Variants in CDH8 observed in about 807,000 individuals in gnomAD.
CDH8 encodes cadherin 8.
A neutral mutation model predicts 68.1 loss-of-function variants in CDH8; 17 were observed. The ratio of observed to expected loss-of-function variants is 0.25; its 90% CI spans 0.17 to 0.37. The LOEUF is 0.37. Ranked by LOEUF, CDH8 falls within the 10% of genes least tolerant of loss-of-function variation. CDH8 has a pLI of 1.00. For missense variants in CDH8, 763 were observed against 999.3 expected (o/e 0.76, Z 3.19); for synonymous variants, 372 against 365.1 (o/e 1.02, Z -0.21).
At chr16:61,926,154 T>G (rs12923724) in intron 2 of CDH8, among the ~76,000 whole-genome samples, 17 of 67,758 alleles carry the variant, frequency 2.5e-4, no homozygotes, top group East Asian at 5.9e-4. Flanking sequence ...TCAGAAGGGG[T>G]GTGTGTGTGT....
At chr16:61,966,268 C>T (rs1432767578) in intron 2 of CDH8, among the ~76,000 whole-genome samples, 1 of 151,954 alleles carries the variant, frequency 6.6e-6, no homozygotes, top group Non-Finnish European at 1.5e-5. Flanking sequence ...GGCCGGGCGC[C>T]GTGGCTCACG....
chr16:61,935,922 T>A (rs1964620380), intron 2 of CDH8, among the ~76,000 whole-genome samples: 1 of 152,116 alleles, frequency 6.6e-6, no homozygotes, highest in African/African-American at 2.4e-5. Flanking sequence ...AGCTAGATCT[T>A]AAGAAAGTAA....
At chr16:61,983,225 C>T (rs1965568676) in intron 2 of CDH8, among the ~76,000 whole-genome samples, 1 of 152,098 alleles carries the variant, frequency 6.6e-6, no homozygotes, top group African/African-American at 2.4e-5. Context: ...ACTTTTGTGA[C>T]TTGCTTTTGG....
chr16:61,993,247 A>C (rs1395399210), intron 2 of CDH8, among the ~76,000 whole-genome samples: 1 of 152,186 alleles, frequency 6.6e-6, no homozygotes, highest in Non-Finnish European at 1.5e-5. Flanking sequence ...TTAATCACTA[A>C]AGACATTAAC....
intron 8 of CDH8, among the ~76,000 whole-genome samples, chr16:61,775,810 G>A (rs548423738): frequency 4.6e-5 from 7 of 152,168 alleles, no homozygotes; most frequent in African/African-American, 1.7e-4. Flanking sequence ...GCCATCAGCT[G>A]ACCAGAAAGA....
chr16:61,795,439 T>G (rs1961474127), intron 7 of CDH8, among the ~76,000 whole-genome samples: 1 of 152,030 alleles, frequency 6.6e-6, no homozygotes, highest in Admixed American at 6.6e-5. Context: ...AACTCTCAGG[T>G]TGGTGCAAAA....
chr16:61,760,912 A>T (rs1317534488), intron 8 of CDH8, among the ~76,000 whole-genome samples: 1 of 152,162 alleles, frequency 6.6e-6, no homozygotes, highest in African/African-American at 2.4e-5. Flanking sequence ...TTTCAAGAAG[A>T]TGCAAAAACA....
chr16:61,961,877 G>T (rs1965160818), intron 2 of CDH8, among the ~76,000 whole-genome samples: 3 of 152,150 alleles, frequency 2.0e-5, no homozygotes, highest in South Asian at 2.1e-4. Flanking sequence ...GGGGTCCGAA[G>T]CCCCATTCTC....
At chr16:62,005,993 C>A (rs1006416753) in intron 2 of CDH8, among the ~76,000 whole-genome samples, 1 of 152,148 alleles carries the variant, frequency 6.6e-6, no homozygotes, top group Non-Finnish European at 1.5e-5. Context: ...CCTGGAACTG[C>A]AGTGTTAATC....
At chr16:61,992,831 C>A (rs1056688010) in intron 2 of CDH8, among the ~76,000 whole-genome samples, 1 of 152,044 alleles carries the variant, frequency 6.6e-6, no homozygotes, top group East Asian at 1.9e-4. Context: ...CTCAGTTGTC[C>A]GGGCTGGAGT....
At chr16:61,905,949 G>A (rs1303765926) in intron 2 of CDH8, among the ~76,000 whole-genome samples, 1 of 152,012 alleles carries the variant, frequency 6.6e-6, no homozygotes, top group Non-Finnish European at 1.5e-5. Context: ...TGGAGAAAAT[G>A]TGTGCCAAGC....
chr16:61,708,186 G>C (rs925409985), intron 10 of CDH8, among the ~76,000 whole-genome samples: 1 of 151,970 alleles, frequency 6.6e-6, no homozygotes, highest in African/African-American at 2.4e-5. Context: ...ATTTTCTTCA[G>C]AATTAGAAAG....
At chr16:61,955,156 TTC>T (rs1255336273) in intron 2 of CDH8, among the ~76,000 whole-genome samples, 1 of 152,340 alleles carries the variant, frequency 6.6e-6, no homozygotes, top group African/African-American at 2.4e-5. Flanking sequence ...GGTTACTGTT[TTC>T]TCTTCAGATG....
At chr16:61,803,318 G>A (rs1239441529) in intron 7 of CDH8, among the ~76,000 whole-genome samples, 3 of 133,306 alleles carry the variant, frequency 2.3e-5, no homozygotes, top group African/African-American at 6.3e-5. Context: ...TGAAGGAAGC[G>A]CTAAACATGG....
chr16:61,652,860 T>C lies in CDH8; in HGVS notation c.*748A>G. The stretch of plus-strand genomic sequence containing the variant: ...GATACAGTTTATCTTTGTGTCCTTG[T>C]GGAAGAAGATGAAGAGGAGGGAACG... On this transcript the variant is annotated 3_prime_UTR_variant, in exon 12 of 12. Transcript: ENST00000577390. 1.3e-6 allele frequency: 2 copies of C among 1,523,800 alleles called. No individual in the cohort carries two copies. The highest frequency in any genetic ancestry group is 1.8e-6 in the Non-Finnish European group (2 of 1,140,972). The allele number at this position is 1,523,800 out of a possible 1,614,324, so 94.4% of individuals were successfully genotyped here.
chr16:61,877,242 C>T (rs1963478159), intron 3 of CDH8, among the ~76,000 whole-genome samples: 2 of 151,506 alleles, frequency 1.3e-5, no homozygotes, highest in African/African-American at 4.9e-5. Flanking sequence ...CTATTAAATG[C>T]TGTATATTAT....
chr16:61,798,259 C>A (rs1358154644), intron 7 of CDH8, among the ~76,000 whole-genome samples: 1 of 152,050 alleles, frequency 6.6e-6, no homozygotes. Flanking sequence ...TATTTAATGT[C>A]AACAAAGTTT....
At chr16:61,781,623 C>A (rs1299036326) in intron 8 of CDH8, among the ~76,000 whole-genome samples, 1 of 152,084 alleles carries the variant, frequency 6.6e-6, no homozygotes, top group East Asian at 1.9e-4. Context: ...TTAAGTTTAA[C>A]TCTACTAGAT....
At position 61,824,310 on chromosome 16, in the gene CDH8, C is replaced by T. The variant is rs925256476; in HGVS notation, c.835+702G>A. On this transcript the variant is annotated intron_variant, in intron 5 of 11. Transcript: ENST00000577390. ...TTCATCCTCCCTCCCATGGCTTCAC[C>T]TTGTTCCAACTAATTGTTTTCACTT... is the stretch of plus-strand genomic sequence containing the variant. 6.6e-5 allele frequency among the ~76,000 whole-genome samples: 10 copies of T among 151,962 alleles called. No individual in the cohort carries two copies. In the South Asian group the frequency reaches 1.0e-3, roughly 16 times the overall value.
Sources: allele counts gnomAD v4.1 joint callset (sites outside exome capture counted in the v4.1 genomes callset), GRCh38; gene constraint gnomAD v4.1.1; transcripts MANE v1.5; gene names NCBI Gene and HGNC (gene_info 2026-07-23, HGNC 2026-07-21).